Variants in ALG12 observed in about 807,000 individuals in gnomAD.
ALG12 encodes ALG12 alpha-1,6-mannosyltransferase, also known as dol-P-Man:Man(7)GlcNAc(2)-PP-Dol alpha-1,6-mannosyltransferase.
In ALG12, 36 loss-of-function variants were observed where a neutral mutation model predicts 46.0. That is an observed-to-expected ratio of 0.78 (90% CI 0.60 to 1.03). The LOEUF (loss-of-function observed/expected upper bound fraction) is 1.03. ALG12 is among the 50% of genes least tolerant of loss of function. The probability of loss-of-function intolerance (pLI) is 0.00; values close to 1 mark genes in which losing one functional copy is unlikely to be tolerated. For synonymous variants in ALG12, 326 were observed against 291.6 expected (o/e 1.12, Z -1.20); for missense variants, 599 against 633.5 (o/e 0.95, Z 0.58).
the ALG12 span, among the ~76,000 whole-genome samples, chr22:49,869,555 T>C: frequency 6.6e-6 from 1 of 152,226 alleles, no homozygotes; most frequent in Non-Finnish European, 1.5e-5. Flanking sequence ...CTGGTTTGGC[T>C]CTCATTTTTC....
At chr22:49,882,569 G>A in the ALG12 span, among the ~76,000 whole-genome samples, 60 of 152,252 alleles carry the variant, frequency 3.9e-4, no homozygotes, top group African/African-American at 1.3e-3. Flanking sequence ...ATCGTCCTCC[G>A]AGCTTCGGCT....
At chr22:49,895,618 C>T (rs913131129), downstream of ALG12, among the ~76,000 whole-genome samples, 1 of 150,804 alleles carries the variant, frequency 6.6e-6, no homozygotes, top group Admixed American at 6.6e-5. Flanking sequence ...CACCATTGCA[C>T]TCCAGCCTGG....
the ALG12 span, among the ~76,000 whole-genome samples, chr22:49,892,757 T>C: frequency 6.6e-6 from 1 of 152,312 alleles, no homozygotes; most frequent in African/African-American, 2.4e-5. Flanking sequence ...CTCACCTTTC[T>C]GCTAGAGGAA....
At chr22:49,867,608 A>G in the ALG12 span, among the ~76,000 whole-genome samples, 1 of 152,064 alleles carries the variant, frequency 6.6e-6, no homozygotes, top group South Asian at 2.1e-4. Context: ...GCAGAAAGTC[A>G]CCCACCTCAG....
At chr22:49,864,854 G>T in the ALG12 span, among the ~76,000 whole-genome samples, 1 of 122,730 alleles carries the variant, frequency 8.1e-6, no homozygotes, top group Non-Finnish European at 1.6e-5. Context: ...TGATTAAACC[G>T]TCGTAGAGCT....
In ALG12 at chr22:49,913,804, G is replaced by A. The variant is rs1163330254; in HGVS notation, c.-39C>T. 3.7e-6 allele frequency: 6 copies of A among 1,610,428 alleles called. No individual in the cohort carries two copies. Among genetic ancestry groups the A allele is most frequent in the Non-Finnish European group, 3.4e-6 (4 of 1,179,900 alleles). Reference sequence around the variant, plus strand: ...CTTCACGTACCTTCACAGGCCAACAGTGCGAGACACCAGCCGTTAGCACTG... The same window carrying A: ...CTTCACGTACCTTCACAGGCCAACAATGCGAGACACCAGCCGTTAGCACTG... On this transcript the variant is annotated 5_prime_UTR_variant, in exon 2 of 10. Transcript: ENST00000330817.
chr22:49,907,981 C>A, intron 6 of ALG12, 37 bp from the exon 7 acceptor site: 1 of 1,598,682 alleles, frequency 6.3e-7, no homozygotes, highest in Non-Finnish European at 8.5e-7. Flanking sequence ...CACCTGTCCA[C>A]GCATGAGCCC....
chr22:49,874,287 G>C, the ALG12 span, among the ~76,000 whole-genome samples: 2 of 152,152 alleles, frequency 1.3e-5, no homozygotes, highest in African/African-American at 4.8e-5. Context: ...GGTTTGTGCA[G>C]AGTTTTTGCT....
At chr22:49,904,965 C>A (rs974530572) in intron 7 of ALG12, among the ~76,000 whole-genome samples, 3 of 152,076 alleles carry the variant, frequency 2.0e-5, no homozygotes, top group African/African-American at 7.2e-5. Flanking sequence ...GTCTTGAACT[C>A]CTGACCTCGT....
At chr22:49,914,291 G>T (rs1305125536) in intron 1 of ALG12, among the ~76,000 whole-genome samples, 3 of 152,236 alleles carry the variant, frequency 2.0e-5, no homozygotes, top group Non-Finnish European at 4.4e-5. Flanking sequence ...TGGTGGACAG[G>T]GGCCCCGGGA....
At chr22:49,875,443 C>T in the ALG12 span, among the ~76,000 whole-genome samples, 4 of 142,376 alleles carry the variant, frequency 2.8e-5, no homozygotes, top group African/African-American at 1.0e-4. Context: ...TTTTTTGAGA[C>T]GGAGTCTTGC....
intron 3 of ALG12, among the ~76,000 whole-genome samples, chr22:49,911,887 C>T (rs2060578671): frequency 6.6e-6 from 1 of 152,230 alleles, no homozygotes; most frequent in Non-Finnish European, 1.5e-5. Context: ...GGTCCATCCC[C>T]TGCGTCTCTT....
the ALG12 span, among the ~76,000 whole-genome samples, chr22:49,871,641 G>A: frequency 6.6e-6 from 1 of 152,160 alleles, no homozygotes. Flanking sequence ...TCTCAGCTGG[G>A]AGGAGATGTT....
chr22:49,911,052 C>T (rs1005354683), intron 3 of ALG12, among the ~76,000 whole-genome samples: 1 of 152,210 alleles, frequency 6.6e-6, no homozygotes, highest in African/African-American at 2.4e-5. Context: ...GGACCCCTCT[C>T]CCCATTTGAC....
At chr22:49,896,979 A>G (rs1314132769), downstream of ALG12, among the ~76,000 whole-genome samples, 1 of 152,028 alleles carries the variant, frequency 6.6e-6, no homozygotes, top group Non-Finnish European at 1.5e-5. Context: ...CCCAGTCAAA[A>G]AAAAAAACAA....
At position 49,910,419 on chromosome 22, in the gene ALG12, C is replaced by A; in HGVS notation, c.469+15G>T. 6.2e-7 allele frequency: 1 copy of A among 1,612,498 alleles called. No homozygotes were observed. The highest frequency in any genetic ancestry group is 1.3e-5 in the African/African-American group (1 of 75,020). Reference sequence around the variant, plus strand: ...CGGCACCATGGGTGTGCAGGCCCGGCCGGCAGCTACGTACCTACAGGCAGG... The same window carrying A: ...CGGCACCATGGGTGTGCAGGCCCGGACGGCAGCTACGTACCTACAGGCAGG... On this transcript the variant is annotated intron_variant, in intron 4 of 9. Coordinates refer to ENST00000330817, the MANE Select transcript of ALG12 (RefSeq NM_024105.4).
chr22:49,875,335 G>A, the ALG12 span, among the ~76,000 whole-genome samples: 1 of 151,792 alleles, frequency 6.6e-6, no homozygotes, highest in Non-Finnish European at 1.5e-5. Flanking sequence ...TAAATAAAAG[G>A]CTAATCAGCT....
chr22:49,887,342 C>A, the ALG12 span: 2 of 619,450 alleles, frequency 3.2e-6, no homozygotes, highest in Non-Finnish European at 5.3e-6. Context: ...CTTACCCCTT[C>A]TCCTTCAGGC....
At chr22:49,865,767 G>A in the ALG12 span, among the ~76,000 whole-genome samples, 2 of 152,056 alleles carry the variant, frequency 1.3e-5, no homozygotes, top group African/African-American at 4.8e-5. Context: ...CATGGAACAA[G>A]ATGTCTTGAC....
Sources: allele counts gnomAD v4.1 joint callset (sites outside exome capture counted in the v4.1 genomes callset), GRCh38; gene constraint gnomAD v4.1.1; transcripts MANE v1.5; gene names NCBI Gene and HGNC (gene_info 2026-07-23, HGNC 2026-07-21).